AZI2: variants seen among roughly 807,000 people sequenced by gnomAD.
The protein encoded by AZI2 is 5-azacytidine-induced protein 2.
In AZI2, 22 loss-of-function variants were observed where a neutral mutation model predicts 45.8. The observed-to-expected ratio is 0.48, with a 90% CI of 0.34 to 0.69. The LOEUF (loss-of-function observed/expected upper bound fraction) is 0.69, where lower values mean the gene tolerates loss of function less well. Among genes scored for constraint, AZI2 ranks in the 30% least tolerant of loss-of-function variants. AZI2 has a pLI of 0.01. For synonymous variants in AZI2, 137 were observed against 156.7 expected (o/e 0.87, Z 0.94); for missense variants, 417 against 441.5 (o/e 0.94, Z 0.50).
intron 1 of AZI2, among the ~76,000 whole-genome samples, 161 bp from the exon 2 acceptor site, chr3:28,340,783 C>T (rs1475169989): frequency 6.6e-6 from 1 of 152,054 alleles, no homozygotes; most frequent in African/African-American, 2.4e-5. Flanking sequence ...TGACTTTGGG[C>T]AAGTTGCTTA....
chr3:28,337,931 G>A lies in AZI2; in HGVS notation c.439+6C>T, dbSNP rs368115326. Reference sequence around the variant, plus strand: ...TTAGAATATTTATAACAAGTAACTGGCATACCCTGCTGAGTTTCCACCTCT... The same window carrying A: ...TTAGAATATTTATAACAAGTAACTGACATACCCTGCTGAGTTTCCACCTCT... On this transcript the variant is annotated splice_donor_region_variant and intron_variant, in intron 4 of 7. Coordinates refer to ENST00000479665, the MANE Select transcript of AZI2 (RefSeq NM_022461.5). 12 of 1,501,940 alleles carry A rather than the reference G, an allele frequency of 8.0e-6. No homozygotes were observed. The African/African-American group carries it at 1.5e-4, about 19-fold the overall frequency. 93.0% of individuals were successfully genotyped at this position (1,501,940 alleles called of 1,614,324 possible). A position where few individuals can be genotyped will look rare whatever the true frequency, so the allele number is the denominator to read the frequency against.
chr3:28,346,151 C>T (rs759109983), intron 1 of AZI2, among the ~76,000 whole-genome samples: 35 of 152,116 alleles, frequency 2.3e-4, no homozygotes, highest in Non-Finnish European at 3.2e-4. Context: ...TCTGGTTATC[C>T]TAAGAATATG....
rs142695304 is a variant in AZI2 at position 28,336,106 on chromosome 3, G to A, written c.588+631C>T. 3.1e-4 allele frequency among the ~76,000 whole-genome samples: 47 copies of A among 152,090 alleles called. 1 individual carries two copies. The East Asian group carries it at 8.7e-3, about 28-fold the overall frequency. The stretch of plus-strand genomic sequence containing the variant: ...GTTAGAACCTGATGTAAAATACTGG[G>A]CAAACAGACTCTTGGTGAGGACCTA... On this transcript the variant is annotated intron_variant, in intron 5 of 7. Coordinates refer to ENST00000479665, the MANE Select transcript of AZI2 (RefSeq NM_022461.5).
chr3:28,340,925 C>T (rs1703993056), intron 1 of AZI2, among the ~76,000 whole-genome samples: 1 of 151,964 alleles, frequency 6.6e-6, no homozygotes, highest in Non-Finnish European at 1.5e-5. Context: ...CTATAAAAAT[C>T]TGAAATATCA....
intron 2 of AZI2, among the ~76,000 whole-genome samples, chr3:28,340,136 T>C (rs1703953275): frequency 6.6e-6 from 1 of 151,724 alleles, no homozygotes; most frequent in Non-Finnish European, 1.5e-5. Context: ...TACATACAGC[T>C]ATGGAGGTAA....
chr3:28,334,240 C>A (rs1214211199), intron 5 of AZI2, among the ~76,000 whole-genome samples: 1 of 151,974 alleles, frequency 6.6e-6, no homozygotes, highest in Non-Finnish European at 1.5e-5. Context: ...AAAGCATCAT[C>A]TTAAAAATTT....
chr3:28,325,483 T>C (rs1703355443), intron 7 of AZI2, among the ~76,000 whole-genome samples: 1 of 151,060 alleles, frequency 6.6e-6, no homozygotes, highest in Non-Finnish European at 1.5e-5. Flanking sequence ...AAGGTGGTTC[T>C]AGTCTCATCT....
intron 1 of AZI2, 101 bp downstream of exon 1, chr3:28,348,500 G>A (rs1430069723): frequency 6.6e-6 from 1 of 152,612 alleles, no homozygotes; most frequent in South Asian, 2.1e-4. Context: ...GAGGGAGTGA[G>A]AAAAAAATGA....
intron 7 of AZI2, chr3:28,324,971 G>A (rs1476348960): frequency 6.6e-6 from 1 of 150,748 alleles, no homozygotes; most frequent in Non-Finnish European, 1.5e-5. Flanking sequence ...AAATTTTTTA[G>A]AAATAATTGC....
intron 6 of AZI2, chr3:28,331,663 T>C (rs13081520): frequency 1.6e-6 from 2 of 1,266,278 alleles, no homozygotes; most frequent in African/African-American, 3.0e-5. Flanking sequence ...CAGTAAACTT[T>C]GGAAGCCAAA....
intron 7 of AZI2, among the ~76,000 whole-genome samples, chr3:28,325,914 ACATT>A (rs1434544150): frequency 6.6e-6 from 1 of 151,086 alleles, no homozygotes; most frequent in Non-Finnish European, 1.5e-5. Context: ...AAGGAGTTCT[ACATT>A]CAATTTTCCT....
chr3:28,340,769 T>A, intron 1 of AZI2, 147 bp from the exon 2 acceptor site: 1 of 624,502 alleles, frequency 1.6e-6, no homozygotes, highest in Non-Finnish European at 2.6e-6. Context: ...TACCATTTAG[T>A]GTCTGACTTT....
In AZI2 at chr3:28,324,164, T is replaced by G. The variant is rs1413127713; in HGVS notation, c.1057A>C (p.Ser353Arg). The change falls in exon 8 of 8, where the codon AGT (serine) becomes CGT (arginine). Residue 353 changes from serine (S) to arginine (R), a missense_variant. Ser to Arg is a moderately radical substitution (Grantham distance 110). Transcript: ENST00000479665. ...GCTGTCTCACTTGATTTAGGAGGAC[T>G]TGGAAATACCCAGGAATTGTCTTCC... is the stretch of plus-strand genomic sequence containing the variant. The part of the protein sequence containing the change: ...SLEDNSWVFP[S>R]PPKSSETAFG... 3 of 1,610,652 alleles carry G rather than the reference T, an allele frequency of 1.9e-6. No individual in the cohort carries two copies. The African/African-American group carries it at 4.0e-5, about 22-fold the overall frequency.
Position 28,324,021 on chromosome 3 carries a change from AAATCGTG to A in AZI2, c.*14_*20del. ...GAAAGAGATAAGTGTCCTCATGGTG[AAATCGTG>A]AATCTCTTCCAAATTAATTCTTATA... On this transcript the variant is annotated 3_prime_UTR_variant, in exon 8 of 8. Transcript: ENST00000479665. 2.5e-6 allele frequency: 4 copies of A among 1,579,854 alleles called. No individual in the cohort carries two copies. Among genetic ancestry groups the A allele is most frequent in the Non-Finnish European group, 3.5e-6 (4 of 1,157,164 alleles).
intron 4 of AZI2, among the ~76,000 whole-genome samples, chr3:28,337,404 TCTC>T (rs1384161573): frequency 6.6e-6 from 1 of 152,126 alleles, no homozygotes; most frequent in Admixed American, 6.6e-5. Context: ...TGCATCTCAA[TCTC>T]CTATCAGAAG....
chr3:28,334,222 C>T (rs1287808661), intron 5 of AZI2, among the ~76,000 whole-genome samples: 3 of 151,856 alleles, frequency 2.0e-5, no homozygotes, highest in African/African-American at 7.3e-5. Flanking sequence ...TTATAAAATG[C>T]TTCACTGAAA....
chr3:28,329,458 C>T (rs142910028), intron 6 of AZI2, among the ~76,000 whole-genome samples: 1 of 151,220 alleles, frequency 6.6e-6, no homozygotes, highest in African/African-American at 2.4e-5. Flanking sequence ...AACTTCACAT[C>T]TCTGACTTTT....
At position 28,326,960 on chromosome 3, in the gene AZI2, A is replaced by AT. The variant is rs1559455845; in HGVS notation, c.648-11dup. On this transcript the variant is annotated splice_polypyrimidine_tract_variant and intron_variant, in intron 6 of 7. Transcript: ENST00000479665. ...ATGCTGCATATTATCACTGAAATAA[A>AT]TTTTTTTACAAAAAGTTAATACTCA... The AT allele has an allele frequency of 2.5e-6, 4 of 1,580,796 alleles. No homozygotes were observed. Among genetic ancestry groups the AT allele is most frequent in the East Asian group, 2.3e-5 (1 of 44,368 alleles).
chr3:28,335,791 G>A (rs563603473), intron 5 of AZI2, among the ~76,000 whole-genome samples: 1 of 152,000 alleles, frequency 6.6e-6, no homozygotes, highest in African/African-American at 2.4e-5. Context: ...CCTTTCAGAT[G>A]GTGGCATCCC....
Sources: gnomAD v4.1 joint callset for allele counts (sites outside exome capture counted in the v4.1 genomes callset) on GRCh38, gnomAD v4.1.1 for gene constraint, MANE v1.5 for transcripts, NCBI Gene and HGNC (gene_info 2026-07-23, HGNC 2026-07-21) for gene names.